The following CDH13 variants were observed in gnomAD, a reference collection of about 807,000 sequenced individuals.
CDH13 encodes the protein cadherin 13.
A neutral mutation model predicts 63.8 loss-of-function variants in CDH13; 24 were observed. That is an observed-to-expected ratio of 0.38 (90% CI 0.27 to 0.53). CDH13 has a LOEUF of 0.53. Ranked by LOEUF, CDH13 falls within the 20% of genes least tolerant of loss-of-function variation. CDH13 has a pLI of 0.85. For synonymous variants in CDH13, 503 were observed against 355.3 expected (o/e 1.42, Z -4.67); for missense variants, 1,049 against 903.1 (o/e 1.16, Z -2.07).
At chr16:83,494,420 C>G (rs983818494) in intron 7 of CDH13, among the ~76,000 whole-genome samples, 2 of 152,192 alleles carry the variant, frequency 1.3e-5, no homozygotes, top group African/African-American at 2.4e-5. Flanking sequence ...ACCCCAAATC[C>G]TCTAAATTCC....
intron 1 of CDH13, among the ~76,000 whole-genome samples, chr16:82,627,370 G>T (rs1907437541): frequency 6.6e-6 from 1 of 152,024 alleles, no homozygotes; most frequent in African/African-American, 2.4e-5. Context: ...GTGTGTGTGT[G>T]TGTGTGTGTG....
intron 7 of CDH13, among the ~76,000 whole-genome samples, chr16:83,526,947 C>G (rs929942859): frequency 2.0e-5 from 3 of 152,048 alleles, no homozygotes; most frequent in African/African-American, 7.2e-5. Flanking sequence ...GCCTGGCCAA[C>G]ATGGTGAAAC....
At chr16:83,508,961 AGGTGT>A (rs72330228) in intron 7 of CDH13, among the ~76,000 whole-genome samples, 17,319 of 152,138 alleles carry the variant, frequency 0.11, 1,034 homozygotes, top group Middle Eastern at 0.16. Context: ...ATTTATGCAT[AGGTGT>A]GTACATGCCA....
chr16:82,749,646 G>T lies in CDH13; in HGVS notation c.46-108716G>T, dbSNP rs77062880. The stretch of plus-strand genomic sequence containing the variant: ...GTTTTAAATAGGTGTCCCTACTTCT[G>T]AGTTTCCATTGCATTATGTATATAT... On this transcript the variant is annotated intron_variant, in intron 1 of 13. Transcript: ENST00000567109. Among the ~76,000 whole-genome samples the T allele has an allele frequency of 6.3e-4, 96 of 152,284 alleles. 1 individual carries two copies. Among genetic ancestry groups the T allele is most frequent in the African/African-American group, 2.3e-3 (94 of 41,560 alleles).
intron 2 of CDH13, among the ~76,000 whole-genome samples, chr16:82,938,293 A>G (rs1352348559): frequency 6.6e-6 from 1 of 152,214 alleles, no homozygotes; most frequent in East Asian, 1.9e-4. Context: ...GATAAGGTGA[A>G]TGCACTCCTA....
chr16:83,740,409 C>T (rs412284), intron 10 of CDH13, among the ~76,000 whole-genome samples: 28,710 of 151,932 alleles, frequency 0.19, 3,119 homozygotes, highest in Non-Finnish European at 0.25. Context: ...GATCCCTAGT[C>T]GTCTTACCAC....
intron 4 of CDH13, among the ~76,000 whole-genome samples, chr16:83,145,609 C>T (rs951525291): frequency 5.3e-5 from 8 of 152,190 alleles, no homozygotes; most frequent in Non-Finnish European, 1.2e-4. Context: ...TCTGCCTTTG[C>T]ACTTGTTTCA....
chr16:83,261,548 T>C (rs1442861413), intron 5 of CDH13, among the ~76,000 whole-genome samples: 1 of 152,048 alleles, frequency 6.6e-6, no homozygotes, highest in East Asian at 1.9e-4. Flanking sequence ...ATTTCTCATA[T>C]TTCTCCCCAG....
At chr16:83,076,167 C>G (rs1462563202) in intron 3 of CDH13, among the ~76,000 whole-genome samples, 8 of 152,112 alleles carry the variant, frequency 5.3e-5, no homozygotes, top group African/African-American at 1.7e-4. Context: ...TCAAACTCAA[C>G]AGGATGGCAT....
chr16:83,330,795 A>C (rs7498487), intron 5 of CDH13, among the ~76,000 whole-genome samples: 149,131 of 152,214 alleles, frequency 0.98, 73,106 homozygotes, highest in Non-Finnish European at 1. Context: ...GGACTTGGTC[A>C]CATGAGCCCT....
At chr16:83,645,345 T>G (rs1466258479) in intron 8 of CDH13, among the ~76,000 whole-genome samples, 1 of 152,076 alleles carries the variant, frequency 6.6e-6, no homozygotes, top group Non-Finnish European at 1.5e-5. Flanking sequence ...GGGTAAGCAA[T>G]GGGTACACAT....
intron 7 of CDH13, among the ~76,000 whole-genome samples, chr16:83,575,063 TAAAA>T (rs1904982457): frequency 6.6e-6 from 1 of 152,200 alleles, no homozygotes; most frequent in Non-Finnish European, 1.5e-5. Context: ...TATTTGGCCA[TAAAA>T]ATGAACGAAG....
intron 7 of CDH13, among the ~76,000 whole-genome samples, chr16:83,504,246 A>G (rs983533324): frequency 2.0e-5 from 3 of 152,216 alleles, no homozygotes; most frequent in African/African-American, 7.2e-5. Flanking sequence ...GGTGAAGCAC[A>G]GGGCACTAGA....
chr16:82,862,037 A>T (rs1197765731), intron 2 of CDH13, among the ~76,000 whole-genome samples: 1 of 152,228 alleles, frequency 6.6e-6, no homozygotes, highest in African/African-American at 2.4e-5. Flanking sequence ...CTCAGAAAGG[A>T]GGCATCCATT....
chr16:82,851,318 C>G (rs1336872844), intron 1 of CDH13, among the ~76,000 whole-genome samples: 1 of 151,782 alleles, frequency 6.6e-6, no homozygotes, highest in African/African-American at 2.4e-5. Flanking sequence ...GCCTGTAATC[C>G]CAGCTACTCG....
intron 3 of CDH13, among the ~76,000 whole-genome samples, chr16:83,113,031 G>C (rs958414116): frequency 9.2e-5 from 14 of 152,178 alleles, no homozygotes; most frequent in Non-Finnish European, 1.8e-4. Context: ...CAAAAGCAGG[G>C]AGCGTGAGCC....
At chr16:83,513,229 A>C (rs2074616646) in intron 7 of CDH13, among the ~76,000 whole-genome samples, 1 of 152,156 alleles carries the variant, frequency 6.6e-6, no homozygotes, top group African/African-American at 2.4e-5. Context: ...CCATGTTCAC[A>C]TCTGAATATC....
At chr16:83,000,574 CTTTTTT>C (rs561787532) in intron 2 of CDH13, among the ~76,000 whole-genome samples, 7 of 127,744 alleles carry the variant, frequency 5.5e-5, no homozygotes, top group East Asian at 4.7e-4. Flanking sequence ...TTTCTTTTCT[CTTTTTT>C]TTTTTTTTTT....
intron 6 of CDH13, among the ~76,000 whole-genome samples, chr16:83,419,128 T>G (rs529517362): frequency 4.0e-4 from 61 of 152,256 alleles, no homozygotes; most frequent in African/African-American, 1.4e-3. Flanking sequence ...CCCTGACAGC[T>G]GTCGTTTTGT....
Sources: gnomAD v4.1 joint callset for allele counts (sites outside exome capture counted in the v4.1 genomes callset) on GRCh38, gnomAD v4.1.1 for gene constraint, MANE v1.5 for transcripts, NCBI Gene and HGNC (gene_info 2026-07-23, HGNC 2026-07-21) for gene names.